PCDHA2: variants seen among roughly 807,000 people sequenced by gnomAD.
The protein encoded by PCDHA2 is protocadherin alpha-2.
A neutral mutation model predicts 66.0 loss-of-function variants in PCDHA2; 58 were observed. The ratio of observed to expected loss-of-function variants is 0.88; its 90% CI spans 0.71 to 1.09. The LOEUF is 1.09. Ranked by LOEUF, PCDHA2 falls within the 50% of genes least tolerant of loss-of-function variation. The pLI is 0.00. For synonymous variants in PCDHA2, 634 were observed against 554.0 expected, an observed-to-expected ratio of 1.14 and a Z score of -2.03; for missense variants, 1,267 against 1,242.3, an observed-to-expected ratio of 1.02 and a Z score of -0.30.
At chr5:140,805,280 G>A (rs2149983701) in intron 1 of PCDHA2, 1 of 1,277,108 alleles carries the variant, frequency 7.8e-7, no homozygotes, top group South Asian at 2.6e-5. Flanking sequence ...TATTACAAAT[G>A]AAATGGGTGA....
intron 1 of PCDHA2, chr5:140,968,736 A>G (rs1047961532): frequency 3.1e-6 from 5 of 1,614,098 alleles, no homozygotes; most frequent in East Asian, 2.2e-5. Context: ...AGCACTTTCA[A>G]CCTGACCGTG....
At chr5:140,975,304 G>A (rs1395392874) in intron 1 of PCDHA2, among the ~76,000 whole-genome samples, 2 of 152,200 alleles carry the variant, frequency 1.3e-5, no homozygotes, top group African/African-American at 2.4e-5. Context: ...AAGAGCTCAT[G>A]TGATTATGTC....
At chr5:140,823,494 C>A (rs2150126388) in intron 1 of PCDHA2, 2 of 1,613,266 alleles carry the variant, frequency 1.2e-6, no homozygotes, top group Admixed American at 1.7e-5. Flanking sequence ...GTGGCACCGG[C>A]GGCGCAGTGA....
chr5:140,836,439 AT>A (rs1774485155), intron 1 of PCDHA2: 1 of 1,613,702 alleles, frequency 6.2e-7, no homozygotes, highest in Admixed American at 1.7e-5. Context: ...ATCGTTGGGC[AT>A]TGCAGGCCCA....
chr5:140,992,342 T>C (rs2097506091), intron 3 of PCDHA2, among the ~76,000 whole-genome samples: 1 of 152,102 alleles, frequency 6.6e-6, no homozygotes. Flanking sequence ...AAGATGGAAA[T>C]GTGGAGAGAG....
chr5:141,007,935 C>G (rs2098352677), intron 3 of PCDHA2, among the ~76,000 whole-genome samples: 1 of 152,176 alleles, frequency 6.6e-6, no homozygotes, highest in African/African-American at 2.4e-5. Flanking sequence ...GAATTCTAAG[C>G]CACCTTTTTG....
At chr5:140,802,226 C>T (rs1762871505) in intron 1 of PCDHA2, 4 of 1,614,174 alleles carry the variant, frequency 2.5e-6, no homozygotes, top group Non-Finnish European at 3.4e-6. Flanking sequence ...TTGTGGACAT[C>T]AATGATAATG....
chr5:140,854,663 C>G (rs1359601461), intron 1 of PCDHA2: 1 of 149,774 alleles, frequency 6.7e-6, no homozygotes, highest in Non-Finnish European at 1.5e-5. Context: ...TAAATTAACC[C>G]TTGCATAAGA....
chr5:140,966,699 C>A, intron 1 of PCDHA2: 1 of 1,361,588 alleles, frequency 7.3e-7, no homozygotes, highest in Non-Finnish European at 9.4e-7. Context: ...GGGGCCCGGG[C>A]GTGGGGCACG....
At chr5:140,968,166 C>G (rs782037307) in intron 1 of PCDHA2, 1 of 1,614,004 alleles carries the variant, frequency 6.2e-7, no homozygotes, top group Non-Finnish European at 8.5e-7. Flanking sequence ...GACAATCCAC[C>G]AAGCTTCCTG....
chr5:140,816,544 A>G (rs1237815251), intron 1 of PCDHA2: 1 of 150,686 alleles, frequency 6.6e-6, no homozygotes, highest in Non-Finnish European at 1.5e-5. Flanking sequence ...GGCACGCACT[A>G]TTTGATTGGG....
chr5:140,917,030 G>A (rs1220107705), intron 1 of PCDHA2, among the ~76,000 whole-genome samples: 3 of 152,164 alleles, frequency 2.0e-5, no homozygotes, highest in Non-Finnish European at 4.4e-5. Context: ...GCTGCTGGCT[G>A]AGTCCAGCAC....
intron 1 of PCDHA2, among the ~76,000 whole-genome samples, chr5:140,818,625 C>T (rs1282616464): frequency 6.6e-6 from 1 of 152,102 alleles, no homozygotes; most frequent in Non-Finnish European, 1.5e-5. Flanking sequence ...TTGCTTGAGC[C>T]CAGGAGTTCA....
chr5:140,829,348 G>T, intron 1 of PCDHA2: 4 of 1,614,236 alleles, frequency 2.5e-6, no homozygotes, highest in Non-Finnish European at 2.5e-6. Context: ...AGAGCGTGTC[G>T]GCCTATGAGT....
At position 140,869,813 on chromosome 5, in the gene PCDHA2, A is replaced by T. The variant is rs782789559; in HGVS notation, c.2388+72461A>T. On this transcript the variant is annotated intron_variant, in intron 1 of 3. Transcript: ENST00000526136. Reference sequence around the variant, plus strand: ...TTAGTCCAAGTCTTGGATGTCAACGACAATGATCCAGAGTTTGATAAATCA... The same window carrying T: ...TTAGTCCAAGTCTTGGATGTCAACGTCAATGATCCAGAGTTTGATAAATCA... The T allele has an allele frequency of 3.1e-6, 5 of 1,612,416 alleles. No individual in the cohort carries two copies. The South Asian group carries it at 5.5e-5, about 18-fold the overall frequency.
intron 1 of PCDHA2, chr5:140,817,435 G>C (rs1554127267): frequency 6.6e-6 from 1 of 152,150 alleles, no homozygotes; most frequent in East Asian, 1.9e-4. Flanking sequence ...GGAGGGTCTG[G>C]GGATTCCTAT....
chr5:141,005,417 T>G (rs1323051159), intron 3 of PCDHA2, among the ~76,000 whole-genome samples: 2 of 152,062 alleles, frequency 1.3e-5, no homozygotes, highest in African/African-American at 4.8e-5. Context: ...TGAGGAGTCA[T>G]GCTAAGAATG....
Position 140,796,309 on chromosome 5 carries a change from A to C in PCDHA2, c.1345A>C (p.Asn449His). ...CGTGTCCATCGAGGTGGCCGACGTG[A>C]ACGACAACGCGCCGGCGTTCGCACA... ...TSVSIEVADV[N>H]DNAPAFAQPE... is the part of the protein sequence containing the mutation. Residue 449 changes from asparagine to histidine, a missense_variant, in exon 1 of 4, where the codon AAC becomes CAC. Coordinates refer to ENST00000526136, the MANE Select transcript of PCDHA2 (RefSeq NM_018905.3). 1 of 1,614,104 alleles carries C rather than the reference A, an allele frequency of 6.2e-7. No individual in the cohort carries two copies. The highest frequency in any genetic ancestry group is 8.5e-7 in the Non-Finnish European group (1 of 1,180,012).
At chr5:140,871,350 C>G (rs782168219) in intron 1 of PCDHA2, 1 of 1,614,194 alleles carries the variant, frequency 6.2e-7, no homozygotes, top group East Asian at 2.2e-5. Context: ...GCTGGTCATA[C>G]TCGCAGCAGA....
Sources: gnomAD v4.1 joint callset for allele counts (sites outside exome capture counted in the v4.1 genomes callset) on GRCh38, gnomAD v4.1.1 for gene constraint, MANE v1.5 for transcripts, NCBI Gene and HGNC (gene_info 2026-07-23, HGNC 2026-07-21) for gene names.